Variants in USP22 observed in about 807,000 individuals in gnomAD.
USP22 encodes the protein ubiquitin specific peptidase 22, also known as ubiquitin carboxyl-terminal hydrolase 22.
In USP22, 22 loss-of-function variants were observed where a neutral mutation model predicts 68.1. The ratio of observed to expected loss-of-function variants is 0.32; its 90% CI spans 0.23 to 0.46. USP22 has a LOEUF of 0.46. Ranked by LOEUF, USP22 falls within the 20% of genes least tolerant of loss-of-function variation. The pLI is 1.00. For missense variants in USP22, 433 were observed against 695.8 expected, an observed-to-expected ratio of 0.62 and a Z score of 4.25; for synonymous variants, 279 against 274.2, an observed-to-expected ratio of 1.02 and a Z score of -0.17.
intron 1 of USP22, 105 bp from the exon 2 acceptor site, chr17:21,028,779 G>A: frequency 7.2e-7 from 1 of 1,396,152 alleles, no homozygotes. Context: ...CTGGAAGAAA[G>A]GACAGGGAAT....
chr17:21,018,967 G>C (rs562738761), intron 4 of USP22, 117 bp downstream of exon 4: 1 of 1,051,830 alleles, frequency 9.5e-7, no homozygotes, highest in Admixed American at 2.0e-5. Context: ...ACATTGATGA[G>C]TGACAGTTAT....
chr17:21,035,292 T>C (rs1972339814), intron 1 of USP22, among the ~76,000 whole-genome samples: 1 of 152,216 alleles, frequency 6.6e-6, no homozygotes, highest in African/African-American at 2.4e-5. Context: ...TCTATCTCAA[T>C]TTCTACTCTT....
In USP22 at chr17:21,001,221, C is replaced by A. The variant is rs1913565947; in HGVS notation, c.*1810G>T. The A allele has an allele frequency of 6.6e-6, 1 of 152,082 alleles. No homozygotes were observed. Among genetic ancestry groups the A allele is most frequent in the Non-Finnish European group, 1.5e-5 (1 of 68,024 alleles). 9.4% of individuals were successfully genotyped at this position (152,082 alleles called of 1,614,324 possible). A position where few individuals can be genotyped will look rare whatever the true frequency, so the allele number is the denominator to read the frequency against. ...GAATTCTTTAAGTGCAGAAAAACAA[C>A]AGAAAATGAACAGAGCACGTGGGCA... On this transcript the variant is annotated 3_prime_UTR_variant, in exon 13 of 13. Coordinates refer to ENST00000261497, the MANE Select transcript of USP22 (RefSeq NM_015276.2).
intron 1 of USP22, among the ~76,000 whole-genome samples, chr17:21,040,691 A>C (rs1286971626): frequency 2.6e-5 from 4 of 152,208 alleles, no homozygotes; most frequent in Non-Finnish European, 5.9e-5. Context: ...TTGGTTAAAA[A>C]ATACCAGAGG....
chr17:21,003,296 C>G (rs1341852040), intron 12 of USP22, among the ~76,000 whole-genome samples: 1 of 152,200 alleles, frequency 6.6e-6, no homozygotes, highest in African/African-American at 2.4e-5. Flanking sequence ...CCCCACCTGC[C>G]ACGAGGTCAC....
In USP22 at chr17:21,002,804, A is replaced by G. The variant is rs577792219; in HGVS notation, c.*227T>C. On this transcript the variant is annotated 3_prime_UTR_variant, in exon 13 of 13. Coordinates refer to ENST00000261497, the MANE Select transcript of USP22 (RefSeq NM_015276.2). ...ACGCTGCTCCTCCCACCCAGAGCAC[A>G]CCCCTCATCTCATCCATCTTCAAAG... 1.9e-6 allele frequency: 1 copy of G among 526,386 alleles called. No homozygotes were observed. Among genetic ancestry groups the G allele is most frequent in the South Asian group, 1.9e-5 (1 of 51,988 alleles). The allele number at this position is 526,386 out of a possible 1,614,324, so 32.6% of individuals were successfully genotyped here.
At position 20,999,734 on chromosome 17, in the gene USP22, A is replaced by G. The variant is rs1363873447; in HGVS notation, c.*3297T>C. 4 of 152,260 alleles carry G rather than the reference A, an allele frequency of 2.6e-5. No individual in the cohort carries two copies. The highest frequency in any genetic ancestry group is 7.2e-5 in the African/African-American group (3 of 41,468). 9.4% of individuals were successfully genotyped at this position (152,260 alleles called of 1,614,324 possible). A position where few individuals can be genotyped will look rare whatever the true frequency, so the allele number is the denominator to read the frequency against. ...TAAATAAAGTCTCCAACCACAGCAC[A>G]GTCATTGGAATTTTTTTCTTCATTT... On this transcript the variant is annotated 3_prime_UTR_variant, in exon 13 of 13. Transcript: ENST00000261497.
chr17:21,005,732 G>A (rs9911289), intron 10 of USP22, among the ~76,000 whole-genome samples: 69,368 of 152,050 alleles, frequency 0.46, 17,231 homozygotes, highest in South Asian at 0.57. Flanking sequence ...TGCTTTCCAC[G>A]GTGCTGGGGC....
intron 12 of USP22, 128 bp downstream of exon 12, chr17:21,004,074 A>G: frequency 7.5e-7 from 1 of 1,336,658 alleles, no homozygotes; most frequent in South Asian, 1.5e-5. Flanking sequence ...AACAGGCTTC[A>G]TTACTTCGGC....
At chr17:21,011,409 GC>G in intron 7 of USP22, 100 bp from the exon 8 acceptor site, 2 of 1,442,420 alleles carry the variant, frequency 1.4e-6, no homozygotes, top group South Asian at 1.3e-5. Flanking sequence ...TCCCCGCTGT[GC>G]CCTTTGTCAC....
At position 20,999,646 on chromosome 17, in the gene USP22, G is replaced by T. The variant is rs1045215; in HGVS notation, c.*3385C>A. On this transcript the variant is annotated 3_prime_UTR_variant, in exon 13 of 13. Coordinates refer to ENST00000261497, the MANE Select transcript of USP22 (RefSeq NM_015276.2). ...ACATAGGAGAGACTACAAAGCACTG[G>T]GGGGGAGGAGGAGTGACACAGCTCC... is the stretch of plus-strand genomic sequence containing the variant. 2 of 152,176 alleles carry T rather than the reference G, an allele frequency of 1.3e-5. No individual in the cohort carries two copies. Among genetic ancestry groups the T allele is most frequent in the South Asian group, 2.1e-4 (1 of 4,814 alleles). 9.4% of individuals were successfully genotyped at this position (152,176 alleles called of 1,614,324 possible).
chr17:21,005,153 T>A, intron 10 of USP22, 163 bp from the exon 11 acceptor site: 11 of 818,070 alleles, frequency 1.3e-5, no homozygotes, highest in Non-Finnish European at 1.9e-5. Flanking sequence ...GTGAGGACAC[T>A]GACGCTCAAG....
chr17:21,030,450 TAC>T (rs1183662514), intron 1 of USP22, among the ~76,000 whole-genome samples: 1 of 152,144 alleles, frequency 6.6e-6, no homozygotes, highest in South Asian at 2.1e-4. Flanking sequence ...AATAGATATA[TAC>T]AGTTTCAGAG....
At chr17:21,015,948 T>G in intron 5 of USP22, 49 bp from the exon 6 acceptor site, 1 of 1,598,900 alleles carries the variant, frequency 6.3e-7, no homozygotes, top group Non-Finnish European at 8.5e-7. Flanking sequence ...ATGTAGACTC[T>G]GAACACAGAG....
rs1913635515 is a variant in USP22 at position 21,002,820 on chromosome 17, A to G, written c.*211T>C. 2 of 566,052 alleles carry G rather than the reference A, an allele frequency of 3.5e-6. No homozygotes were observed. The highest frequency in any genetic ancestry group is 6.4e-6 in the Non-Finnish European group (2 of 312,232). The allele number at this position is 566,052 out of a possible 1,614,324, so 35.1% of individuals were successfully genotyped here. Reference sequence around the variant, plus strand: ...CCAGAGCACACCCCTCATCTCATCCATCTTCAAAGCAGCTCCAGGAGCCTC... The same window carrying G: ...CCAGAGCACACCCCTCATCTCATCCGTCTTCAAAGCAGCTCCAGGAGCCTC... On this transcript the variant is annotated 3_prime_UTR_variant, in exon 13 of 13. Transcript: ENST00000261497.
At chr17:21,041,901 G>C (rs1190073975) in intron 1 of USP22, among the ~76,000 whole-genome samples, 2 of 152,210 alleles carry the variant, frequency 1.3e-5, no homozygotes, top group East Asian at 1.9e-4. Context: ...GCGCTTCCAA[G>C]TCTACTCCTC....
chr17:21,004,895 C>G lies in USP22; in HGVS notation c.1385+33G>C, dbSNP rs550209945. 2.2e-5 allele frequency: 36 copies of G among 1,612,656 alleles called. 1 individual carries two copies. In the South Asian group the frequency reaches 3.9e-4, roughly 17 times the overall value. The stretch of plus-strand genomic sequence containing the variant: ...CCCACCCCCAGCTCTTGGCCAGAGG[C>G]CCTGGACACCCACACCGCTAAGCAC... On this transcript the variant is annotated intron_variant, in intron 11 of 12. Transcript: ENST00000261497.
intron 1 of USP22, among the ~76,000 whole-genome samples, chr17:21,029,319 C>T (rs979628434): frequency 7.9e-5 from 12 of 152,106 alleles, no homozygotes; most frequent in African/African-American, 1.4e-4. Flanking sequence ...TTGCACAATT[C>T]GAGCACAGAA....
Position 21,042,901 on chromosome 17 carries a change from C to T in USP22, c.-66G>A. 1 of 1,098,074 alleles carries T rather than the reference C, an allele frequency of 9.1e-7. No homozygotes were observed. Among genetic ancestry groups the T allele is most frequent in the Middle Eastern group, 3.2e-4 (1 of 3,096 alleles). 68.0% of individuals were successfully genotyped at this position (1,098,074 alleles called of 1,614,324 possible). A position where few individuals can be genotyped will look rare whatever the true frequency, so the allele number is the denominator to read the frequency against. On this transcript the variant is annotated 5_prime_UTR_variant, in exon 1 of 13. Transcript: ENST00000261497. ...GGAGGCGAGGACGACGCCAGCGCGGCGTGGGGGCTGCTCGGCGGCTGGCCA... is the reference window on the plus strand; with the variant it reads ...GGAGGCGAGGACGACGCCAGCGCGGTGTGGGGGCTGCTCGGCGGCTGGCCA...
Sources: gnomAD v4.1 joint callset for allele counts (sites outside exome capture counted in the v4.1 genomes callset) on GRCh38, gnomAD v4.1.1 for gene constraint, MANE v1.5 for transcripts, NCBI Gene and HGNC (gene_info 2026-07-23, HGNC 2026-07-21) for gene names.